Variants in RBPJ observed in about 807,000 individuals in gnomAD.
RBPJ encodes recombination signal binding protein for immunoglobulin kappa J region.
A neutral mutation model predicts 67.8 loss-of-function variants in RBPJ; 9 were observed. That is an observed-to-expected ratio of 0.13 (90% CI 0.08 to 0.23). The LOEUF is 0.23. Among genes scored for constraint, RBPJ ranks in the 10% least tolerant of loss-of-function variants. RBPJ has a pLI of 1.00. For synonymous variants in RBPJ, 198 were observed against 203.3 expected, an observed-to-expected ratio of 0.97 and a Z score of 0.22; for missense variants, 305 against 595.6, an observed-to-expected ratio of 0.51 and a Z score of 5.08.
At chr4:26,368,880 G>T (rs983699040) in intron 1 of RBPJ, among the ~76,000 whole-genome samples, 12 of 152,138 alleles carry the variant, frequency 7.9e-5, no homozygotes, top group Non-Finnish European at 1.6e-4. Context: ...ATAAAATGGG[G>T]GGTGACTGGG....
intron 2 of RBPJ, among the ~76,000 whole-genome samples, chr4:26,399,107 C>T (rs1434931407): frequency 3.9e-5 from 6 of 152,060 alleles, no homozygotes; most frequent in African/African-American, 1.4e-4. Context: ...TCTGCCGTAA[C>T]CTTAGTTATT....
At chr4:26,161,619 G>A (rs1303218001), upstream of RBPJ, among the ~76,000 whole-genome samples, 1 of 152,178 alleles carries the variant, frequency 6.6e-6, no homozygotes, top group East Asian at 1.9e-4. Context: ...AGCTGTTACT[G>A]CTGCCACCTA....
chr4:26,350,992 G>A (rs2109442588), intron 1 of RBPJ, among the ~76,000 whole-genome samples: 2 of 152,158 alleles, frequency 1.3e-5, no homozygotes, highest in African/African-American at 4.8e-5. Context: ...TTTTTTTTGT[G>A]TGATAGCCTT....
At chr4:26,196,055 G>A (rs1413312198) in intron 1 of RBPJ, among the ~76,000 whole-genome samples, 2 of 152,220 alleles carry the variant, frequency 1.3e-5, no homozygotes, top group South Asian at 2.1e-4. Context: ...CTATTGAAAT[G>A]TTGAAACATC....
At chr4:26,214,885 G>T (rs1718605340) in intron 1 of RBPJ, among the ~76,000 whole-genome samples, 1 of 49,570 alleles carries the variant, frequency 2.0e-5, no homozygotes, top group Non-Finnish European at 3.4e-5. Flanking sequence ...AAGAAAAAGA[G>T]AGAGAAAAAA....
rs1393952448 is a variant in RBPJ, at chr4:26,431,194, A to G, written c.*187A>G. 1 of 399,110 alleles carries G rather than the reference A, an allele frequency of 2.5e-6. No homozygotes were observed. The highest frequency in any genetic ancestry group is 4.4e-6 in the Non-Finnish European group (1 of 227,136). 24.7% of individuals were successfully genotyped at this position (399,110 alleles called of 1,614,324 possible). A position where few individuals can be genotyped will look rare whatever the true frequency, so the allele number is the denominator to read the frequency against. On this transcript the variant is annotated 3_prime_UTR_variant, in exon 11 of 11. Transcript: ENST00000355476. ...ATGCAGAAGCCACAGTAAAAAAAAA[A>G]AAAAAAAAAAAAAAAAAGAAAAAAA...
At chr4:26,397,215 G>A (rs559056897) in intron 2 of RBPJ, among the ~76,000 whole-genome samples, 2 of 152,250 alleles carry the variant, frequency 1.3e-5, no homozygotes, top group African/African-American at 4.8e-5. Flanking sequence ...TAAGTATTGT[G>A]GAGCTCACTT....
At position 26,430,575 on chromosome 4, in the gene RBPJ, A is replaced by G. The variant is rs1409514963; in HGVS notation, c.1148+53A>G. On this transcript the variant is annotated intron_variant, in intron 10 of 10. Transcript: ENST00000355476. The surrounding 1 kb of genome is among the most constrained non-coding windows in gnomAD (Gnocchi z 4.1). The stretch of plus-strand genomic sequence containing the variant: ...CAGAGGTTGTGAGGGGTGTGGGTAC[A>G]GGAGATTCTTTCCTGGCACTGATTG... 4 of 1,528,472 alleles carry G rather than the reference A, an allele frequency of 2.6e-6. No individual in the cohort carries two copies. Among genetic ancestry groups the G allele is most frequent in the Non-Finnish European group, 3.6e-6 (4 of 1,119,486 alleles). 94.7% of individuals were successfully genotyped at this position (1,528,472 alleles called of 1,614,324 possible).
At chr4:26,227,124 G>T (rs1357538987) in intron 1 of RBPJ, among the ~76,000 whole-genome samples, 2 of 152,202 alleles carry the variant, frequency 1.3e-5, no homozygotes, top group Non-Finnish European at 2.9e-5. Context: ...CTTCACTGGA[G>T]TCGTCTGAGG....
intron 1 of RBPJ, among the ~76,000 whole-genome samples, chr4:26,250,087 T>C (rs1445038019): frequency 2.0e-5 from 3 of 151,394 alleles, no homozygotes; most frequent in Non-Finnish European, 4.4e-5. Flanking sequence ...CGCCTGGCCT[T>C]CCGAACTTTT....
the RBPJ span, among the ~76,000 whole-genome samples, chr4:26,137,126 C>T: frequency 3.3e-5 from 5 of 152,220 alleles, no homozygotes; most frequent in Admixed American, 2.6e-4. Context: ...GTGGGAGAGG[C>T]GGATGGTGGT....
the RBPJ span, among the ~76,000 whole-genome samples, chr4:26,142,422 T>G: frequency 6.6e-6 from 1 of 152,198 alleles, no homozygotes; most frequent in Non-Finnish European, 1.5e-5. Flanking sequence ...CAATCCACAT[T>G]TGTTGGGCCT....
intron 1 of RBPJ, among the ~76,000 whole-genome samples, chr4:26,212,432 CT>C (rs370447105): frequency 2.4e-3 from 264 of 112,200 alleles, no homozygotes; most frequent in Middle Eastern, 0.01. Flanking sequence ...CTTTTCTTTT[CT>C]TTTTTTTTTT....
the RBPJ span, among the ~76,000 whole-genome samples, chr4:26,131,550 A>C: frequency 6.6e-6 from 1 of 152,172 alleles, no homozygotes; most frequent in Non-Finnish European, 1.5e-5. Flanking sequence ...ATCAGGTCCT[A>C]ATCCCTGGAA....
At chr4:26,259,644 A>G (rs1720463019) in intron 1 of RBPJ, among the ~76,000 whole-genome samples, 1 of 152,202 alleles carries the variant, frequency 6.6e-6, no homozygotes, top group Admixed American at 6.5e-5. Context: ...CCACTCAGAC[A>G]GTGGAAATTT....
chr4:26,216,991 G>T (rs183390478), intron 1 of RBPJ, among the ~76,000 whole-genome samples: 157 of 152,238 alleles, frequency 1.0e-3, no homozygotes, highest in African/African-American at 3.6e-3. Context: ...GTGCTTTGTG[G>T]AGAATGGATG....
At chr4:26,306,990 A>G (rs568352868) in intron 1 of RBPJ, among the ~76,000 whole-genome samples, 41 of 152,138 alleles carry the variant, frequency 2.7e-4, no homozygotes, top group Non-Finnish European at 4.7e-4. Flanking sequence ...TTATAATTTG[A>G]TACTCTGGGT....
At chr4:26,361,332 C>G (rs1467359364) in intron 1 of RBPJ, among the ~76,000 whole-genome samples, 1 of 152,182 alleles carries the variant, frequency 6.6e-6, no homozygotes, top group Non-Finnish European at 1.5e-5. Context: ...CTGCATTCCC[C>G]ACAATCTACA....
At chr4:26,273,335 T>C (rs1720972369) in intron 1 of RBPJ, among the ~76,000 whole-genome samples, 1 of 152,240 alleles carries the variant, frequency 6.6e-6, no homozygotes, top group Admixed American at 6.5e-5. Context: ...TTTTATTACA[T>C]AAAGCCCCAC....
Sources: gnomAD v4.1 joint callset for allele counts (sites outside exome capture counted in the v4.1 genomes callset) on GRCh38, gnomAD v4.1.1 for gene constraint, Gnocchi (gnomAD v3.1) non-coding constraint, MANE v1.5 for transcripts, NCBI Gene and HGNC (gene_info 2026-07-23, HGNC 2026-07-21) for gene names.